Variants in CSMD1 observed in about 807,000 individuals in gnomAD.
The protein encoded by CSMD1 is CUB and sushi domain-containing protein 1.
CSMD1 carries 213 observed loss-of-function variants against 417.5 expected under a neutral mutation model. That is an observed-to-expected ratio of 0.51 (90% CI 0.46 to 0.57). The LOEUF (loss-of-function observed/expected upper bound fraction) is 0.57, where lower values mean the gene tolerates loss of function less well. CSMD1 is among the 20% of genes least tolerant of loss of function. The pLI is 0.00. For synonymous variants in CSMD1, 2,862 were observed against 1,736.8 expected (o/e 1.65, Z -16.11); for missense variants, 6,923 against 4,529.7 (o/e 1.53, Z -15.17).
chr8:4,082,853 G>C lies in CSMD1; in HGVS notation c.416-50754C>G, dbSNP rs545621993. 2.1e-4 allele frequency among the ~76,000 whole-genome samples: 31 copies of C among 146,754 alleles called. 1 individual carries two copies. The East Asian group carries it at 2.3e-3, about 11-fold the overall frequency. ...TTATTCAATTTCCACCTATGAGTGG[G>C]AACATGCGGTGTTTGGTTTTTTGTC... On this transcript the variant is annotated intron_variant, in intron 3 of 69. Transcript: ENST00000635120.
intron 26 of CSMD1, among the ~76,000 whole-genome samples, chr8:3,255,699 T>G (rs1371193279): frequency 6.6e-6 from 1 of 152,164 alleles, no homozygotes; most frequent in Admixed American, 6.5e-5. Flanking sequence ...GGTGTGCCGT[T>G]TGCTAAGCCC....
chr8:2,956,190 A>C (rs544409168), intron 63 of CSMD1, among the ~76,000 whole-genome samples: 39 of 152,248 alleles, frequency 2.6e-4, no homozygotes, highest in Middle Eastern at 6.8e-3. Context: ...GAATATTTAG[A>C]TATGCCTTGA....
chr8:4,403,124 C>A (rs548670164), intron 3 of CSMD1, among the ~76,000 whole-genome samples: 1 of 152,032 alleles, frequency 6.6e-6, no homozygotes, highest in South Asian at 2.1e-4. Flanking sequence ...AGCCACTGCC[C>A]CCGGCCAAAA....
intron 10 of CSMD1, among the ~76,000 whole-genome samples, chr8:3,539,091 C>G (rs1321921057): frequency 6.6e-6 from 1 of 152,146 alleles, no homozygotes; most frequent in Non-Finnish European, 1.5e-5. Flanking sequence ...ACAGTCTTGC[C>G]CCAGTCCCTT....
intron 11 of CSMD1, among the ~76,000 whole-genome samples, chr8:3,483,797 A>C (rs1295149822): frequency 2.6e-5 from 4 of 152,194 alleles, no homozygotes; most frequent in Non-Finnish European, 5.9e-5. Flanking sequence ...TCAATCATGA[A>C]GTAGAATTTA....
At chr8:3,444,756 C>T (rs1815198252) in intron 12 of CSMD1, among the ~76,000 whole-genome samples, 2 of 152,198 alleles carry the variant, frequency 1.3e-5, no homozygotes, top group African/African-American at 4.8e-5. Flanking sequence ...GAAAAGGCCA[C>T]ATTTATCCTG....
intron 3 of CSMD1, among the ~76,000 whole-genome samples, chr8:4,254,964 C>A (rs573210597): frequency 6.6e-6 from 1 of 152,190 alleles, no homozygotes; most frequent in Non-Finnish European, 1.5e-5. Flanking sequence ...ACTCCATAAC[C>A]ATCGACTTTA....
intron 5 of CSMD1, among the ~76,000 whole-genome samples, chr8:3,827,849 T>G (rs906344886): frequency 1.3e-5 from 2 of 152,188 alleles, no homozygotes; most frequent in Non-Finnish European, 2.9e-5. Flanking sequence ...TCACAGTGCA[T>G]GTCACAGAAG....
chr8:3,982,645 G>A (rs1000815991), intron 5 of CSMD1, among the ~76,000 whole-genome samples: 1 of 152,044 alleles, frequency 6.6e-6, no homozygotes, highest in African/African-American at 2.4e-5. Context: ...AAATTATGTG[G>A]GGCAAAGATA....
At chr8:4,451,182 A>G (rs12542493) in intron 2 of CSMD1, among the ~76,000 whole-genome samples, 24,708 of 152,116 alleles carry the variant, frequency 0.16, 2,178 homozygotes, top group South Asian at 0.27. Context: ...ATATAAAAAT[A>G]ACCAAGTGTG....
chr8:4,653,963 G>T (rs1238907633), intron 1 of CSMD1, among the ~76,000 whole-genome samples: 1 of 151,938 alleles, frequency 6.6e-6, no homozygotes, highest in South Asian at 2.1e-4. Flanking sequence ...GGATTGGATT[G>T]GTTTCATTTA....
At chr8:3,840,330 G>A (rs953110293) in intron 5 of CSMD1, among the ~76,000 whole-genome samples, 3 of 152,170 alleles carry the variant, frequency 2.0e-5, no homozygotes, top group African/African-American at 7.2e-5. Context: ...TCGCTGTCCT[G>A]TTAACAGAAA....
chr8:3,934,520 C>A (rs1327953479), intron 5 of CSMD1, among the ~76,000 whole-genome samples: 5 of 152,042 alleles, frequency 3.3e-5, no homozygotes, highest in Non-Finnish European at 1.5e-5. Context: ...GAGGCCAGAC[C>A]TAAACAAGTG....
chr8:3,219,139 A>G, intron 29 of CSMD1, 116 bp downstream of exon 29: 1 of 759,646 alleles, frequency 1.3e-6, no homozygotes, highest in Non-Finnish European at 2.1e-6. Context: ...GACAGAGGAG[A>G]CACATATCAG....
At chr8:4,405,663 A>T (rs1400609218) in intron 3 of CSMD1, among the ~76,000 whole-genome samples, 1 of 152,250 alleles carries the variant, frequency 6.6e-6, no homozygotes, top group Non-Finnish European at 1.5e-5. Context: ...CTCGCATGAG[A>T]CACATCACTC....
At chr8:4,377,274 C>T (rs1327389965) in intron 3 of CSMD1, among the ~76,000 whole-genome samples, 2 of 152,144 alleles carry the variant, frequency 1.3e-5, no homozygotes, top group Non-Finnish European at 2.9e-5. Context: ...ACCCCTGGGA[C>T]AGAGAGAGCA....
rs111405530 is a variant in CSMD1 at position 3,494,759 on chromosome 8, G to C, written c.1345-1033C>G. ...GTGTGAGAAAGGAAGGCGGAAGAGA[G>C]AAGGGACAGGAGGAACAGAAACCAT... On this transcript the variant is annotated intron_variant, in intron 10 of 69. Coordinates refer to ENST00000635120, the MANE Select transcript of CSMD1 (RefSeq NM_033225.6). Among the ~76,000 whole-genome samples the C allele has an allele frequency of 1.2e-4, 18 of 152,310 alleles. 1 individual carries two copies. Among genetic ancestry groups the C allele is most frequent in the African/African-American group, 3.1e-4 (13 of 41,570 alleles).
intron 5 of CSMD1, among the ~76,000 whole-genome samples, chr8:3,996,494 C>A (rs571731291): frequency 3.6e-4 from 54 of 151,862 alleles, no homozygotes; most frequent in African/African-American, 1.3e-3. Flanking sequence ...TGTCTGAAGT[C>A]ATAAGGATTT....
intron 1 of CSMD1, among the ~76,000 whole-genome samples, chr8:4,701,637 G>T (rs570552440): frequency 6.6e-6 from 1 of 151,976 alleles, no homozygotes; most frequent in Non-Finnish European, 1.5e-5. Context: ...GTATACAGGA[G>T]TTTGAAGTAT....
Sources: gnomAD v4.1 joint callset for allele counts (sites outside exome capture counted in the v4.1 genomes callset) on GRCh38, gnomAD v4.1.1 for gene constraint, MANE v1.5 for transcripts, NCBI Gene and HGNC (gene_info 2026-07-23, HGNC 2026-07-21) for gene names.